Variants in RBFOX1 observed in about 807,000 individuals in gnomAD.
RBFOX1 encodes the protein RNA binding fox-1 homolog 1, also known as RNA binding protein fox-1 homolog 1.
RBFOX1 carries 8 observed loss-of-function variants against 57.7 expected under a neutral mutation model. That is an observed-to-expected ratio of 0.14 (90% CI 0.08 to 0.25). The LOEUF (loss-of-function observed/expected upper bound fraction) is 0.25, where lower values mean the gene tolerates loss of function less well. Among genes scored for constraint, RBFOX1 ranks in the 10% least tolerant of loss-of-function variants. The pLI is 1.00. For synonymous variants in RBFOX1, 326 were observed against 222.4 expected, an observed-to-expected ratio of 1.47 and a Z score of -4.15; for missense variants, 611 against 548.5, an observed-to-expected ratio of 1.11 and a Z score of -1.14.
chr16:6,970,976 C>A (rs1358205916), intron 3 of RBFOX1, among the ~76,000 whole-genome samples: 3 of 152,152 alleles, frequency 2.0e-5, no homozygotes, highest in African/African-American at 7.2e-5. Context: ...TTCCTCCTGC[C>A]CTTATTTGAT....
At chr16:6,734,858 C>A (rs955082179) in intron 3 of RBFOX1, among the ~76,000 whole-genome samples, 5 of 152,144 alleles carry the variant, frequency 3.3e-5, no homozygotes, top group Non-Finnish European at 7.3e-5. Context: ...AAAGATGAGT[C>A]ATTTTCAATA....
intron 2 of RBFOX1, among the ~76,000 whole-genome samples, chr16:5,527,354 C>T (rs775475468): frequency 1.3e-5 from 2 of 152,170 alleles, no homozygotes; most frequent in Non-Finnish European, 2.9e-5. Context: ...TAGACTCCTC[C>T]CCCATACAGC....
chr16:6,964,624 C>A (rs968735829), intron 3 of RBFOX1, among the ~76,000 whole-genome samples: 1 of 152,076 alleles, frequency 6.6e-6, no homozygotes, highest in Admixed American at 6.6e-5. Context: ...TAAAAAATAA[C>A]GTTAGTTTGA....
chr16:5,783,935 A>G (rs1046341328), intron 3 of RBFOX1, among the ~76,000 whole-genome samples: 13 of 152,182 alleles, frequency 8.5e-5, no homozygotes, highest in African/African-American at 1.2e-4. Context: ...CTAGCCCCCA[A>G]GGTTTTGGTA....
At chr16:6,271,943 A>C (rs1158949366) in intron 1 of RBFOX1, among the ~76,000 whole-genome samples, 1 of 152,172 alleles carries the variant, frequency 6.6e-6, no homozygotes, top group Non-Finnish European at 1.5e-5. Flanking sequence ...TTCTCAATTC[A>C]TTTTATAAAG....
intron 9 of RBFOX1, among the ~76,000 whole-genome samples, chr16:7,603,378 C>T (rs867172767): frequency 1.3e-5 from 2 of 152,144 alleles, no homozygotes; most frequent in East Asian, 3.9e-4. Context: ...GCAGTCTTGC[C>T]TGCTTGACTG....
At chr16:6,287,262 T>C (rs1475888552) in intron 1 of RBFOX1, among the ~76,000 whole-genome samples, 1 of 152,146 alleles carries the variant, frequency 6.6e-6, no homozygotes, top group Non-Finnish European at 1.5e-5. Context: ...TAATGACTAT[T>C]TAAAATGGCC....
intron 3 of RBFOX1, among the ~76,000 whole-genome samples, chr16:6,977,255 G>A (rs905407468): frequency 6.7e-5 from 10 of 150,344 alleles, no homozygotes; most frequent in Non-Finnish European, 1.2e-4. Context: ...ATCTTGGGCA[G>A]ATTTGCTCTG....
chr16:7,063,890 A>G (rs552820519), intron 4 of RBFOX1, among the ~76,000 whole-genome samples: 7 of 152,330 alleles, frequency 4.6e-5, no homozygotes, highest in African/African-American at 1.4e-4. Flanking sequence ...ATATCACTCC[A>G]TTTTATATCA....
chr16:6,210,244 G>T (rs1418037995), intron 1 of RBFOX1, among the ~76,000 whole-genome samples: 6 of 150,812 alleles, frequency 4.0e-5, no homozygotes, highest in African/African-American at 1.5e-4. Context: ...ACTGCACCCA[G>T]GAGGTAGAAA....
intron 2 of RBFOX1, among the ~76,000 whole-genome samples, chr16:6,641,264 C>T (rs116697629): frequency 3.4e-3 from 516 of 152,250 alleles, no homozygotes; most frequent in African/African-American, 0.012. Context: ...TTCCTGTTGA[C>T]GTCAGAGGAA....
chr16:7,479,025 G>A (rs1009972978), intron 4 of RBFOX1, among the ~76,000 whole-genome samples: 14 of 151,980 alleles, frequency 9.2e-5, no homozygotes, highest in Non-Finnish European at 2.1e-4. Context: ...GAGTGTAGAA[G>A]AGTTTATCCC....
chr16:5,562,874 T>C (rs1218441488), intron 2 of RBFOX1, among the ~76,000 whole-genome samples: 1 of 152,186 alleles, frequency 6.6e-6, no homozygotes, highest in East Asian at 1.9e-4. Flanking sequence ...GATATTGATA[T>C]TGGCTTCATA....
chr16:5,563,513 C>T (rs982115851), intron 2 of RBFOX1, among the ~76,000 whole-genome samples: 2 of 152,162 alleles, frequency 1.3e-5, no homozygotes, highest in Non-Finnish European at 2.9e-5. Flanking sequence ...TATAAACCAT[C>T]TGGTAGTTTA....
chr16:7,223,198 G>A (rs908592191), intron 4 of RBFOX1, among the ~76,000 whole-genome samples: 1 of 152,242 alleles, frequency 6.6e-6, no homozygotes, highest in African/African-American at 2.4e-5. Flanking sequence ...GCTTATGGCA[G>A]TGTCAGCCTA....
chr16:6,773,788 A>T (rs2078866095), intron 3 of RBFOX1: 2 of 159,340 alleles, frequency 1.3e-5, no homozygotes, highest in Non-Finnish European at 2.4e-5. Context: ...GTGTGTATCT[A>T]TGTGTATGTG....
intron 4 of RBFOX1, among the ~76,000 whole-genome samples, chr16:7,497,910 C>A (rs1316859241): frequency 6.6e-6 from 1 of 152,206 alleles, no homozygotes; most frequent in Non-Finnish European, 1.5e-5. Context: ...GAGTTTATTT[C>A]ATCTTTGCAG....
chr16:6,989,953 A>T (rs1416070555), intron 3 of RBFOX1, among the ~76,000 whole-genome samples: 2 of 152,126 alleles, frequency 1.3e-5, no homozygotes. Context: ...GTGAACTGAG[A>T]CCGCACCACC....
At chr16:7,203,800 G>T (rs1233945474) in intron 4 of RBFOX1, among the ~76,000 whole-genome samples, 1 of 152,154 alleles carries the variant, frequency 6.6e-6, no homozygotes, top group East Asian at 1.9e-4. Flanking sequence ...AGGCAATCTT[G>T]TGCCTTCCCA....
Sources: allele counts gnomAD v4.1 joint callset (sites outside exome capture counted in the v4.1 genomes callset), GRCh38; gene constraint gnomAD v4.1.1; transcripts MANE v1.5; gene names NCBI Gene and HGNC (gene_info 2026-07-23, HGNC 2026-07-21).